Variants in DNAI1 observed in about 807,000 individuals in gnomAD.
The protein encoded by DNAI1 is dynein axonemal intermediate chain 1.
In DNAI1, 67 loss-of-function variants were observed where a neutral mutation model predicts 92.0. That is an observed-to-expected ratio of 0.73 (90% CI 0.60 to 0.89). The LOEUF is 0.89. DNAI1 is among the 40% of genes least tolerant of loss of function. DNAI1 has a pLI of 0.00. For synonymous variants in DNAI1, 323 were observed against 319.6 expected, an observed-to-expected ratio of 1.01 and a Z score of -0.11; for missense variants, 839 against 866.6, an observed-to-expected ratio of 0.97 and a Z score of 0.40.
intron 1 of DNAI1, among the ~76,000 whole-genome samples, chr9:34,463,858 A>G (rs1823991675): frequency 6.6e-6 from 1 of 152,184 alleles, no homozygotes; most frequent in Admixed American, 6.5e-5. Context: ...ATAAGGCCAG[A>G]AGAGAGTCTT....
At chr9:34,518,222 C>A (rs1428925893) in intron 19 of DNAI1, among the ~76,000 whole-genome samples, 1 of 152,256 alleles carries the variant, frequency 6.6e-6, no homozygotes, top group East Asian at 1.9e-4. Flanking sequence ...AGGATCAGGA[C>A]TGGGCCAGCT....
chr9:34,514,634 C>A lies in DNAI1; in HGVS notation c.1719-6C>A, dbSNP rs1293031133. 6.2e-7 allele frequency: 1 copy of A among 1,614,114 alleles called. No homozygotes were observed. The highest frequency in any genetic ancestry group is 8.5e-7 in the Non-Finnish European group (1 of 1,180,052). ...GCCATGGGCTTTCCACCCTCCACCTCTGCAGGACCCCGATGTTCATCTATG... is the reference window on the plus strand; with the variant it reads ...GCCATGGGCTTTCCACCCTCCACCTATGCAGGACCCCGATGTTCATCTATG... On this transcript the variant is annotated splice_polypyrimidine_tract_variant and splice_region_variant and intron_variant, in intron 17 of 19. Coordinates refer to ENST00000242317, the MANE Select transcript of DNAI1 (RefSeq NM_012144.4).
chr9:34,477,198 AT>A, intron 1 of DNAI1, among the ~76,000 whole-genome samples: 1 of 152,016 alleles, frequency 6.6e-6, no homozygotes, highest in South Asian at 2.1e-4. Flanking sequence ...AAAAATTTTT[AT>A]GTGGAGATGG....
rs986863499 is a variant in DNAI1, at chr9:34,514,285, C to T, written c.1570-109C>T. On this transcript the variant is annotated intron_variant, in intron 16 of 19. Coordinates refer to ENST00000242317, the MANE Select transcript of DNAI1 (RefSeq NM_012144.4). ...GCTTGGCCCCAGTTCAGCTGGGATGCGATGTGGGTTAAGGACAGGAGTCTA... is the reference window on the plus strand; with the variant it reads ...GCTTGGCCCCAGTTCAGCTGGGATGTGATGTGGGTTAAGGACAGGAGTCTA... The T allele has an allele frequency of 2.0e-5, 28 of 1,417,962 alleles. 1 individual carries two copies. In the Admixed American group the frequency reaches 2.3e-4, roughly 12 times the overall value. The allele number at this position is 1,417,962 out of a possible 1,614,324, so 87.8% of individuals were successfully genotyped here.
intron 10 of DNAI1, among the ~76,000 whole-genome samples, chr9:34,498,206 G>GCATT (rs1824763104): frequency 6.6e-6 from 1 of 152,202 alleles, no homozygotes; most frequent in Non-Finnish European, 1.5e-5. Context: ...ACAAGCTCCA[G>GCATT]CATTCACTGG....
At chr9:34,510,450 G>A (rs1179561941) in intron 13 of DNAI1, among the ~76,000 whole-genome samples, 2 of 152,146 alleles carry the variant, frequency 1.3e-5, no homozygotes, top group Non-Finnish European at 2.9e-5. Flanking sequence ...AGAAAATAAG[G>A]CAGAAGAGAA....
intron 1 of DNAI1, among the ~76,000 whole-genome samples, chr9:34,466,591 A>G (rs1311363115): frequency 6.6e-6 from 1 of 152,222 alleles, no homozygotes; most frequent in Non-Finnish European, 1.5e-5. Flanking sequence ...ACAGAGGCTC[A>G]CTCAAGTTAC....
At chr9:34,465,126 A>G (rs1435688885) in intron 1 of DNAI1, among the ~76,000 whole-genome samples, 2 of 152,216 alleles carry the variant, frequency 1.3e-5, no homozygotes, top group Non-Finnish European at 1.5e-5. Context: ...GGACCTTGGA[A>G]AGGACAATTT....
chr9:34,519,632 A>T (rs1037564324), intron 19 of DNAI1, among the ~76,000 whole-genome samples: 2 of 152,084 alleles, frequency 1.3e-5, no homozygotes, highest in Admixed American at 1.3e-4. Context: ...AGCAGGGGGA[A>T]ATCTGAGCTC....
At position 34,489,383 on chromosome 9, in the gene DNAI1, G is replaced by A. The variant is rs1824535427; in HGVS notation, c.322G>A (p.Gly108Arg). ...ACTGGCAGTTCACTACACCCAGGTT[G>A]GGAACCTGATCCCCAAAGACTCAGA... ...NQLAVHYTQV[G>R]NLIPKDSDEG... Residue 108 changes from glycine (G) to arginine (R), a missense_variant, in exon 5 of 20, where the codon GGG (glycine) becomes AGG (arginine). Coordinates refer to ENST00000242317, the MANE Select transcript of DNAI1 (RefSeq NM_012144.4). 1 of 1,614,092 alleles carries A rather than the reference G, an allele frequency of 6.2e-7. No individual in the cohort carries two copies. Among genetic ancestry groups the A allele is most frequent in the South Asian group, 1.1e-5 (1 of 91,076 alleles).
At chr9:34,514,573 G>A (rs1372489880) in intron 17 of DNAI1, 31 bp downstream of exon 17, 9 of 1,614,204 alleles carry the variant, frequency 5.6e-6, no homozygotes, top group Non-Finnish European at 7.6e-6. Flanking sequence ...TCTGCCTGGG[G>A]CCCTCCCCTG....
intron 9 of DNAI1, among the ~76,000 whole-genome samples, 160 bp from the exon 10 acceptor site, chr9:34,496,955 G>C (rs1824738165): frequency 6.6e-6 from 1 of 152,236 alleles, no homozygotes; most frequent in Non-Finnish European, 1.5e-5. Flanking sequence ...AGTGGCATGA[G>C]CTGGGCCTTG....
intron 19 of DNAI1, 69 bp from the exon 20 acceptor site, chr9:34,520,589 A>T (rs1587096793): frequency 2.9e-6 from 4 of 1,396,364 alleles, no homozygotes; most frequent in Admixed American, 2.0e-5. Flanking sequence ...TGGGCAGAGG[A>T]GGTGGTGCTG....
rs368248592 is a variant in DNAI1, at chr9:34,514,436, G to T, written c.1612G>T (p.Ala538Ser). Residue 538 changes from alanine to serine, a missense_variant, in exon 17 of 20, where the codon GCC (alanine) becomes TCC (serine). Transcript: ENST00000242317. ...CAGCCAATTCCTCGACACCTATGAC[G>T]CCCACAACATGTCAGTGGACACTGT... ...YSSQFLDTYDAHNMSVDTVSW... is the reference protein window; with the variant it reads ...YSSQFLDTYDSHNMSVDTVSW... The T allele has an allele frequency of 2.2e-5, 36 of 1,613,946 alleles. No homozygotes were observed. Among genetic ancestry groups the T allele is most frequent in the Non-Finnish European group, 3.0e-5 (35 of 1,180,030 alleles).
intron 13 of DNAI1, among the ~76,000 whole-genome samples, chr9:34,511,058 C>G (rs1427382010): frequency 6.6e-6 from 1 of 152,238 alleles, no homozygotes; most frequent in Non-Finnish European, 1.5e-5. Flanking sequence ...AGGCAACAGG[C>G]AATGGCACTG....
chr9:34,485,801 T>C (rs976367538), intron 4 of DNAI1, among the ~76,000 whole-genome samples: 1 of 152,220 alleles, frequency 6.6e-6, no homozygotes, highest in African/African-American at 2.4e-5. Flanking sequence ...GCTTTTCTGA[T>C]ATATGTAACA....
At chr9:34,517,703 C>T (rs1264971005) in intron 19 of DNAI1, among the ~76,000 whole-genome samples, 2 of 152,226 alleles carry the variant, frequency 1.3e-5, no homozygotes, top group Non-Finnish European at 2.9e-5. Context: ...CAGGTGGAGA[C>T]ATCCAATGAG....
chr9:34,468,872 T>G (rs1041750929), intron 1 of DNAI1, among the ~76,000 whole-genome samples: 1 of 151,540 alleles, frequency 6.6e-6, no homozygotes, highest in African/African-American at 2.4e-5. Context: ...GCCCTGTTAC[T>G]GAGGCTCCAC....
At chr9:34,505,205 C>T (rs188476381) in intron 12 of DNAI1, among the ~76,000 whole-genome samples, 107 of 152,300 alleles carry the variant, frequency 7.0e-4, no homozygotes, top group Admixed American at 4.3e-3. Context: ...CAGGTGGTAA[C>T]AGGGCTGCAT....
Sources: allele counts gnomAD v4.1 joint callset (sites outside exome capture counted in the v4.1 genomes callset), GRCh38; gene constraint gnomAD v4.1.1; transcripts MANE v1.5; gene names NCBI Gene and HGNC (gene_info 2026-07-23, HGNC 2026-07-21).